RFX3: variants seen among roughly 807,000 people sequenced by gnomAD.
The protein encoded by RFX3 is regulatory factor X3.
In RFX3, 14 loss-of-function variants were observed where a neutral mutation model predicts 98.6. The observed-to-expected ratio is 0.14, with a 90% CI of 0.09 to 0.22. The LOEUF is 0.22. Ranked by LOEUF, RFX3 falls within the 10% of genes least tolerant of loss-of-function variation. The probability of loss-of-function intolerance (pLI) is 1.00; values close to 1 mark genes in which losing one functional copy is unlikely to be tolerated. For synonymous variants in RFX3, 383 were observed against 328.4 expected (o/e 1.17, Z -1.80); for missense variants, 639 against 926.9 (o/e 0.69, Z 4.03).
intron 4 of RFX3, among the ~76,000 whole-genome samples, chr9:3,305,053 C>G (rs952086014): frequency 1.3e-5 from 2 of 151,946 alleles, no homozygotes; most frequent in African/African-American, 4.8e-5. Flanking sequence ...GAATTCAAAA[C>G]CCATGTATTA....
In RFX3 at chr9:3,323,529, C is replaced by A. The variant is rs537060057; in HGVS notation, c.474+6730G>T. On this transcript the variant is annotated intron_variant, in intron 4 of 16. Coordinates refer to ENST00000617270, the MANE Select transcript of RFX3 (RefSeq NM_001282116.2). Reference sequence around the variant, plus strand: ...TTGACTTGTAAATCTAAGGAAGGATCAAGCAAAAGATATATAAGAGGTTGC... The same window carrying A: ...TTGACTTGTAAATCTAAGGAAGGATAAAGCAAAAGATATATAAGAGGTTGC... Among the ~76,000 whole-genome samples, 3 of 151,980 alleles carry A rather than the reference C, an allele frequency of 2.0e-5. No individual in the cohort carries two copies. In the South Asian group the frequency reaches 6.2e-4, roughly 32 times the overall value.
chr9:3,510,919 T>G (rs1193024192), intron 1 of RFX3, among the ~76,000 whole-genome samples: 1 of 152,026 alleles, frequency 6.6e-6, no homozygotes, highest in East Asian at 1.9e-4. Context: ...CAGTTAGAAT[T>G]ATATATAACC....
intron 2 of RFX3, among the ~76,000 whole-genome samples, chr9:3,389,874 A>G (rs1461975799): frequency 6.6e-6 from 1 of 152,158 alleles, no homozygotes; most frequent in Non-Finnish European, 1.5e-5. Flanking sequence ...CAGGTAAGTA[A>G]TATTCGCCCT....
intron 1 of RFX3, among the ~76,000 whole-genome samples, chr9:3,413,687 G>C (rs779019810): frequency 1.3e-5 from 2 of 152,064 alleles, no homozygotes; most frequent in Non-Finnish European, 2.9e-5. Context: ...CACCCTAACA[G>C]TTCATTGCTT....
At chr9:3,379,087 C>G (rs1174520954) in intron 2 of RFX3, among the ~76,000 whole-genome samples, 2 of 152,042 alleles carry the variant, frequency 1.3e-5, no homozygotes, top group Non-Finnish European at 2.9e-5. Flanking sequence ...TACTGAGGAC[C>G]CATTATGTGC....
chr9:3,377,595 A>G (rs1313119649), intron 2 of RFX3, among the ~76,000 whole-genome samples: 1 of 152,240 alleles, frequency 6.6e-6, no homozygotes, highest in African/African-American at 2.4e-5. Context: ...AATAATAAAA[A>G]AAAGAATATA....
chr9:3,470,318 C>CA (rs1564143805), intron 1 of RFX3, among the ~76,000 whole-genome samples: 1 of 142,294 alleles, frequency 7.0e-6, no homozygotes, highest in Non-Finnish European at 1.5e-5. Flanking sequence ...TTTCTTTTTC[C>CA]TTTTTTTTTT....
chr9:3,505,896 T>C (rs1817042370), intron 1 of RFX3, among the ~76,000 whole-genome samples: 1 of 151,886 alleles, frequency 6.6e-6, no homozygotes, highest in South Asian at 2.1e-4. Context: ...TGTGAGTTCC[T>C]TCAAGGGCAG....
chr9:3,450,558 T>C (rs1215510763), intron 1 of RFX3, among the ~76,000 whole-genome samples: 2 of 152,188 alleles, frequency 1.3e-5, no homozygotes, highest in Non-Finnish European at 1.5e-5. Context: ...GTATTATTCT[T>C]TATATAAATA....
intron 4 of RFX3, among the ~76,000 whole-genome samples, chr9:3,305,125 G>A (rs1176493805): frequency 6.6e-6 from 1 of 152,064 alleles, no homozygotes; most frequent in African/African-American, 2.4e-5. Flanking sequence ...AATAGAGCCA[G>A]GAGGCAAGAA....
chr9:3,229,097 A>G (rs1818146012), intron 15 of RFX3, among the ~76,000 whole-genome samples: 1 of 152,234 alleles, frequency 6.6e-6, no homozygotes, highest in South Asian at 2.1e-4. Flanking sequence ...TAGCTGTCTT[A>G]GCCTCTTCGC....
In RFX3 at chr9:3,218,748, T is replaced by A. The variant is rs1487504213; in HGVS notation, c.*6294A>T. The A allele has an allele frequency of 1.3e-5, 2 of 152,160 alleles. No homozygotes were observed. The highest frequency in any genetic ancestry group is 2.9e-5 in the Non-Finnish European group (2 of 68,018). The allele number at this position is 152,160 out of a possible 1,614,324, so 9.4% of individuals were successfully genotyped here. ...AAAGAACATTACATTATCTCACACA[T>A]ACAATCTCTACAAAAGTTGCTTACC... On this transcript the variant is annotated 3_prime_UTR_variant, in exon 17 of 17. Coordinates refer to ENST00000617270, the MANE Select transcript of RFX3 (RefSeq NM_001282116.2).
intron 1 of RFX3, among the ~76,000 whole-genome samples, chr9:3,445,987 C>G (rs1360975101): frequency 6.6e-6 from 1 of 152,016 alleles, no homozygotes; most frequent in East Asian, 1.9e-4. Context: ...ACATGTACAC[C>G]ACTCTATTCA....
chr9:3,226,162 T>G (rs1204416193), intron 16 of RFX3, among the ~76,000 whole-genome samples: 1 of 152,188 alleles, frequency 6.6e-6, no homozygotes, highest in Non-Finnish European at 1.5e-5. Flanking sequence ...ATAATTACAG[T>G]GGCTTGTATA....
chr9:3,325,597 T>C (rs1831818479), intron 4 of RFX3, among the ~76,000 whole-genome samples: 1 of 152,022 alleles, frequency 6.6e-6, no homozygotes, highest in South Asian at 2.1e-4. Context: ...TTAAGAAGAA[T>C]TTAAAAAACT....
At chr9:3,386,722 C>T (rs1839759428) in intron 2 of RFX3, among the ~76,000 whole-genome samples, 1 of 152,068 alleles carries the variant, frequency 6.6e-6, no homozygotes, top group Non-Finnish European at 1.5e-5. Flanking sequence ...TTAGCTTGTC[C>T]AGAAGTGCAC....
At chr9:3,429,651 C>T (rs1307002488) in intron 1 of RFX3, among the ~76,000 whole-genome samples, 1 of 152,108 alleles carries the variant, frequency 6.6e-6, no homozygotes, top group Non-Finnish European at 1.5e-5. Context: ...TCTGGCTTGC[C>T]TGAACTACAT....
intron 10 of RFX3, 101 bp from the exon 11 acceptor site, chr9:3,270,626 A>G: frequency 8.5e-7 from 1 of 1,181,268 alleles, no homozygotes; most frequent in South Asian, 1.4e-5. Context: ...TACTGAGGTT[A>G]GAACTATACC....
chr9:3,234,689 ATCAAACCACT>A (rs1279880007), intron 15 of RFX3, among the ~76,000 whole-genome samples: 1 of 152,012 alleles, frequency 6.6e-6, no homozygotes, highest in Non-Finnish European at 1.5e-5. Context: ...CCACCCCAAA[ATCAAACCACT>A]TCATTTACAA....
Sources: allele counts gnomAD v4.1 joint callset (sites outside exome capture counted in the v4.1 genomes callset), GRCh38; gene constraint gnomAD v4.1.1; transcripts MANE v1.5; gene names NCBI Gene and HGNC (gene_info 2026-07-23, HGNC 2026-07-21).